Variants in RTL4 observed in about 807,000 individuals in gnomAD.
RTL4 encodes retrotransposon Gag like 4, also known as retrotransposon Gag-like protein 4.
In RTL4, 4 loss-of-function variants were observed where a neutral mutation model predicts 5.3. The ratio of observed to expected loss-of-function variants is 0.75; its 90% CI spans 0.37 to 1.72. RTL4 has a LOEUF of 1.72. Among genes scored for constraint, RTL4 ranks in the 40% most tolerant of loss-of-function variants. The probability of loss-of-function intolerance (pLI) is 0.04; values close to 1 mark genes in which losing one functional copy is unlikely to be tolerated. For synonymous variants in RTL4, 98 were observed against 87.3 expected (o/e 1.12, Z -0.68); for missense variants, 260 against 227.1 (o/e 1.14, Z -0.93).
At chrX:112,291,335 C>T in the RTL4 span, among the ~76,000 whole-genome samples, 1 of 106,074 alleles carries the variant, frequency 9.4e-6, no homozygotes, top group African/African-American at 3.5e-5. Flanking sequence ...AGATGTGAGC[C>T]AAATTCATGA....
chrX:112,176,699 G>A, the RTL4 span, among the ~76,000 whole-genome samples: 1 of 111,696 alleles, frequency 9.0e-6, no homozygotes, highest in African/African-American at 3.3e-5. Flanking sequence ...AGTTCTTCAA[G>A]CTATTTTGAA....
At chrX:112,310,652 A>C in the RTL4 span, among the ~76,000 whole-genome samples, 1 of 62,821 alleles carries the variant, frequency 1.6e-5, no homozygotes, top group Non-Finnish European at 2.6e-5. Flanking sequence ...ATATATTTAT[A>C]TATATTAGTA....
At chrX:112,303,773 TAA>T in the RTL4 span, among the ~76,000 whole-genome samples, 21 of 103,939 alleles carry the variant, frequency 2.0e-4, no homozygotes, top group African/African-American at 7.5e-4. Flanking sequence ...TAAAAAAAAT[TAA>T]AAAAAAAGAA....
chrX:112,151,558 G>A, the RTL4 span, among the ~76,000 whole-genome samples: 2 of 112,022 alleles, frequency 1.8e-5, no homozygotes, highest in East Asian at 5.6e-4. Context: ...CAGCAATGAA[G>A]TTAGCTAGAA....
chrX:112,178,810 C>G, the RTL4 span, among the ~76,000 whole-genome samples: 9 of 111,107 alleles, frequency 8.1e-5, no homozygotes, highest in Non-Finnish European at 1.1e-4. Context: ...ATGCAGTGCT[C>G]ATTCTATCTC....
chrX:112,452,909 A>G (rs766058799), upstream of RTL4, among the ~76,000 whole-genome samples: 1 of 110,658 alleles, frequency 9.0e-6, no homozygotes, highest in South Asian at 4.0e-4. Context: ...GCAGGCGCCT[A>G]TAATCTCAGC....
the RTL4 span, among the ~76,000 whole-genome samples, chrX:112,307,183 C>T: frequency 8.9e-6 from 1 of 112,072 alleles, no homozygotes; most frequent in Non-Finnish European, 1.9e-5. Context: ...ATGTATTAAT[C>T]ATTTTCTATG....
the RTL4 span, among the ~76,000 whole-genome samples, chrX:112,379,845 T>C: frequency 1.8e-5 from 2 of 111,943 alleles, no homozygotes; most frequent in African/African-American, 6.5e-5. Flanking sequence ...TATTAATTTA[T>C]ATACAGTAAA....
the RTL4 span, among the ~76,000 whole-genome samples, chrX:112,326,324 G>A: frequency 8.9e-6 from 1 of 111,750 alleles, no homozygotes; most frequent in Non-Finnish European, 1.9e-5. Context: ...AGCAGGGCAA[G>A]GCATTGCCTC....
chrX:112,433,630 G>A, the RTL4 span, among the ~76,000 whole-genome samples: 1 of 50,333 alleles, frequency 2.0e-5, no homozygotes, highest in Admixed American at 2.6e-4. Context: ...AGGAGATTTT[G>A]GGCTGAGACA....
At chrX:112,143,051 A>G in the RTL4 span, among the ~76,000 whole-genome samples, 3 of 110,449 alleles carry the variant, frequency 2.7e-5, no homozygotes, top group African/African-American at 9.9e-5. Flanking sequence ...CTGGTTTCAA[A>G]CTCCTGACCT....
the RTL4 span, among the ~76,000 whole-genome samples, chrX:112,304,310 GTGTGTTTGTGTGTGTGCATT>G: frequency 9.0e-6 from 1 of 111,277 alleles, no homozygotes; most frequent in Non-Finnish European, 1.9e-5. Flanking sequence ...GTGTGTGCGT[GTGTGTTTGTGTGTGTGCATT>G]TGTGTTTGTG....
chrX:112,141,254 T>C, the RTL4 span, among the ~76,000 whole-genome samples: 10 of 112,229 alleles, frequency 8.9e-5, no homozygotes, highest in African/African-American at 2.9e-4. Flanking sequence ...AGTTTTTATA[T>C]TGATATTTTA....
the RTL4 span, among the ~76,000 whole-genome samples, chrX:112,236,407 A>C: frequency 3.2e-5 from 2 of 62,466 alleles, no homozygotes; most frequent in South Asian, 7.3e-4. Context: ...TAATATAGAT[A>C]TAGATCTATA....
the RTL4 span, among the ~76,000 whole-genome samples, chrX:112,326,952 G>A: frequency 9.0e-6 from 1 of 111,697 alleles, no homozygotes; most frequent in Non-Finnish European, 1.9e-5. Flanking sequence ...GGTCCTGTCT[G>A]TTAGAAGGAA....
At chrX:112,120,498 G>A in the RTL4 span, among the ~76,000 whole-genome samples, 58 of 109,710 alleles carry the variant, frequency 5.3e-4, no homozygotes, top group East Asian at 2.0e-3. Flanking sequence ...GGATAGTCTC[G>A]ATCTCCTGAC....
chrX:112,091,751 T>G, the RTL4 span, among the ~76,000 whole-genome samples: 1 of 111,210 alleles, frequency 9.0e-6, no homozygotes, highest in African/African-American at 3.3e-5. Context: ...TACATCTAGT[T>G]GGCTTATAGC....
chrX:112,451,784 G>A (rs980771002), upstream of RTL4, among the ~76,000 whole-genome samples: 1 of 111,363 alleles, frequency 9.0e-6, no homozygotes, highest in Non-Finnish European at 1.9e-5. Context: ...TGTGCTTTAT[G>A]TGGAGGTAGA....
the RTL4 span, among the ~76,000 whole-genome samples, chrX:112,443,025 C>G: frequency 9.0e-6 from 1 of 111,573 alleles, no homozygotes; most frequent in Non-Finnish European, 1.9e-5. Flanking sequence ...TTTATTCTAA[C>G]TACTCTTTTA....
Sources: allele counts gnomAD v4.1 joint callset (sites outside exome capture counted in the v4.1 genomes callset), GRCh38; gene constraint gnomAD v4.1.1; transcripts MANE v1.5; gene names NCBI Gene and HGNC (gene_info 2026-07-23, HGNC 2026-07-21).